Variants in TRIO observed in about 807,000 individuals in gnomAD.
TRIO encodes the protein trio Rho guanine nucleotide exchange factor, also known as triple functional domain protein.
Under a neutral mutation model 351.9 loss-of-function variants are expected in TRIO, and 58 were observed. The observed-to-expected ratio is 0.16, with a 90% CI of 0.13 to 0.21. TRIO has a LOEUF of 0.21. Among genes scored for constraint, TRIO ranks in the 10% least tolerant of loss-of-function variants. TRIO has a pLI of 1.00. For synonymous variants in TRIO, 1,758 were observed against 1,595.7 expected (o/e 1.10, Z -2.42); for missense variants, 3,201 against 4,027.8 (o/e 0.79, Z 5.56).
At chr5:14,348,179 T>C (rs1333981157) in intron 11 of TRIO, among the ~76,000 whole-genome samples, 1 of 152,226 alleles carries the variant, frequency 6.6e-6, no homozygotes, top group Non-Finnish European at 1.5e-5. Flanking sequence ...ATCAATTTAA[T>C]GTGTCCACAC....
At chr5:14,157,960 C>A (rs1788216522) in intron 1 of TRIO, among the ~76,000 whole-genome samples, 1 of 152,084 alleles carries the variant, frequency 6.6e-6, no homozygotes, top group Non-Finnish European at 1.5e-5. Flanking sequence ...GTCTCAGTTT[C>A]ATATATTATG....
chr5:14,358,471 T>C, intron 12 of TRIO, 124 bp downstream of exon 12: 2 of 1,148,860 alleles, frequency 1.7e-6, no homozygotes, highest in Non-Finnish European at 2.4e-6. Context: ...GAGCTAGTAG[T>C]GTCTGTGAAG....
chr5:14,433,132 T>TA (rs1267405116), intron 34 of TRIO, among the ~76,000 whole-genome samples: 1 of 152,164 alleles, frequency 6.6e-6, no homozygotes, highest in Admixed American at 6.5e-5. Flanking sequence ...AAGTGAAATG[T>TA]AAAAAAGGAG....
At chr5:14,336,274 A>G (rs112417505) in intron 10 of TRIO, among the ~76,000 whole-genome samples, 48 of 152,320 alleles carry the variant, frequency 3.2e-4, no homozygotes, top group African/African-American at 1.1e-3. Flanking sequence ...ACAGCCAGCA[A>G]TTGCCTGCAG....
intron 34 of TRIO, among the ~76,000 whole-genome samples, chr5:14,446,072 G>A (rs529255646): frequency 8.5e-5 from 13 of 152,180 alleles, no homozygotes; most frequent in Non-Finnish European, 1.6e-4. Flanking sequence ...TAGCAGAGGC[G>A]TTCCTTTCAT....
intron 1 of TRIO, among the ~76,000 whole-genome samples, chr5:14,202,555 C>T (rs1048236869): frequency 6.6e-6 from 1 of 151,588 alleles, no homozygotes; most frequent in East Asian, 1.9e-4. Context: ...TTGTAGCTCT[C>T]ATAATTCCCA....
rs377233963 is a variant in TRIO at position 14,283,232 on chromosome 5, C to T, written c.347+2796C>T. Among the ~76,000 whole-genome samples, 16 of 152,194 alleles carry T rather than the reference C, an allele frequency of 1.1e-4. No individual in the cohort carries two copies. In the East Asian group the frequency reaches 1.5e-3, roughly 15 times the overall value. On this transcript the variant is annotated intron_variant, in intron 3 of 56. Coordinates refer to ENST00000344204, the MANE Select transcript of TRIO (RefSeq NM_007118.4). ...ATGAACACAAGGCGTTTCTACCCAG[C>T]TGTACATTTGTGTGTATGTCTTGGG...
At chr5:14,154,209 T>G (rs1787977277) in intron 1 of TRIO, among the ~76,000 whole-genome samples, 1 of 151,862 alleles carries the variant, frequency 6.6e-6, no homozygotes, top group African/African-American at 2.4e-5. Context: ...TGGCTGTTAA[T>G]GTGGGGGTTG....
intron 9 of TRIO, among the ~76,000 whole-genome samples, chr5:14,317,667 C>T (rs917630364): frequency 6.6e-6 from 1 of 152,204 alleles, no homozygotes; most frequent in African/African-American, 2.4e-5. Flanking sequence ...TCTCATCATT[C>T]TTCACTTCAT....
At chr5:14,445,947 G>C (rs1410341605) in intron 34 of TRIO, among the ~76,000 whole-genome samples, 1 of 152,212 alleles carries the variant, frequency 6.6e-6, no homozygotes, top group Admixed American at 6.5e-5. Flanking sequence ...CCAGCCCCAC[G>C]CAGGGGCGGT....
intron 24 of TRIO, 45 bp from the exon 25 acceptor site, chr5:14,389,244 A>G (rs774310740): frequency 3.4e-6 from 5 of 1,457,572 alleles, no homozygotes; most frequent in Non-Finnish European, 4.7e-6. Flanking sequence ...TTTCTTGAAA[A>G]TATGGTGATT....
rs201937199 is a variant in TRIO at position 14,492,712 on chromosome 5, G to A, written c.7778G>A (p.Arg2593Gln). The change falls in exon 49 of 57, where the codon CGA becomes CAA. Residue 2593 changes from arginine to glutamine, a missense_variant. By Grantham distance (43) the Arg-to-Gln change is conservative (BLOSUM62 1). Around this residue, in one of 19 missense-constraint regions of TRIO, gnomAD observed 1,089 missense variants for 954.9 expected, o/e 1.14. Transcript: ENST00000344204. ...SNQQNMFLVF[R>Q]AATDQCPAAE... ...CAGCAGAACATGTTTCTGGTGTTCCGAGCCGCCACTGACCAGTGCCCCGCA... is the reference window on the plus strand; with the variant it reads ...CAGCAGAACATGTTTCTGGTGTTCCAAGCCGCCACTGACCAGTGCCCCGCA... 9 of 1,613,938 alleles carry A rather than the reference G, an allele frequency of 5.6e-6. No individual in the cohort carries two copies. Among genetic ancestry groups the A allele is most frequent in the East Asian group, 4.5e-5 (2 of 44,884 alleles).
chr5:14,213,220 C>T (rs376380920), intron 1 of TRIO, among the ~76,000 whole-genome samples: 1 of 152,128 alleles, frequency 6.6e-6, no homozygotes. Flanking sequence ...CCTGCTTCTC[C>T]TCCCTCCTCT....
chr5:14,406,333 G>A (rs1748717081), intron 32 of TRIO: 2 of 564,476 alleles, frequency 3.5e-6, no homozygotes, highest in Admixed American at 6.1e-5. Context: ...AAATGGCAAC[G>A]ATCATATCAA....
chr5:14,305,930 A>G (rs775841412), intron 8 of TRIO, among the ~76,000 whole-genome samples: 3 of 152,252 alleles, frequency 2.0e-5, no homozygotes, highest in Non-Finnish European at 4.4e-5. Context: ...AGTTGCCTAC[A>G]GTATTCAGTA....
intron 8 of TRIO, among the ~76,000 whole-genome samples, chr5:14,312,214 A>G (rs1434276070): frequency 1.3e-5 from 2 of 152,362 alleles, no homozygotes; most frequent in East Asian, 3.9e-4. Context: ...GGTGACATGC[A>G]GAAATCCAAG....
At chr5:14,247,120 T>C (rs1794486280) in intron 1 of TRIO, among the ~76,000 whole-genome samples, 3 of 152,240 alleles carry the variant, frequency 2.0e-5, no homozygotes, top group South Asian at 4.1e-4. Flanking sequence ...GGCACCTGCA[T>C]TGTGCAGGCC....
chr5:14,226,183 A>T (rs556181016), intron 1 of TRIO, among the ~76,000 whole-genome samples: 2 of 152,288 alleles, frequency 1.3e-5, no homozygotes, highest in East Asian at 3.9e-4. Context: ...GTGGGTCTTC[A>T]TGGGACCAGC....
intron 1 of TRIO, among the ~76,000 whole-genome samples, chr5:14,153,004 A>G (rs923760535): frequency 2.0e-5 from 3 of 152,212 alleles, no homozygotes; most frequent in African/African-American, 7.2e-5. Context: ...CCTCATGGGT[A>G]TTGTTTATTA....
Sources: allele counts gnomAD v4.1 joint callset (sites outside exome capture counted in the v4.1 genomes callset), GRCh38; gene constraint gnomAD v4.1.1; regional missense constraint gnomAD v4.1.1; transcripts MANE v1.5; gene names NCBI Gene and HGNC (gene_info 2026-07-23, HGNC 2026-07-21).